Variants in C6orf62 observed in about 807,000 individuals in gnomAD.
C6orf62 encodes the protein uncharacterized protein C6orf62.
C6orf62 carries 16 observed loss-of-function variants against 26.8 expected under a neutral mutation model. The observed-to-expected ratio is 0.60, with a 90% CI of 0.40 to 0.91. C6orf62 has a LOEUF of 0.91. C6orf62 is among the 40% of genes least tolerant of loss of function. C6orf62 has a pLI of 0.00. For synonymous variants in C6orf62, 112 were observed against 91.5 expected (o/e 1.22, Z -1.28); for missense variants, 192 against 271.4 (o/e 0.71, Z 2.06).
chr6:24,709,501 C>A, intron 3 of C6orf62: 1 of 742,194 alleles, frequency 1.3e-6, no homozygotes, highest in Non-Finnish European at 1.6e-6. Context: ...TAAACTTCAG[C>A]TTCCTCATCT....
intron 1 of C6orf62, among the ~76,000 whole-genome samples, chr6:24,718,156 A>G (rs910628278): frequency 6.6e-6 from 1 of 152,230 alleles, no homozygotes; most frequent in Non-Finnish European, 1.5e-5. Context: ...TTTAGCATAT[A>G]AACAGTCTGA....
chr6:24,719,959 G>C, upstream of C6orf62: 1 of 1,548,012 alleles, frequency 6.5e-7, no homozygotes, highest in Non-Finnish European at 8.7e-7. Context: ...TAAATGGGAA[G>C]GTTCAGTGGG....
At chr6:24,720,023 C>G, upstream of C6orf62, 1 of 1,481,814 alleles carries the variant, frequency 6.7e-7, no homozygotes, top group Non-Finnish European at 9.0e-7. Context: ...GCCCACCCAC[C>G]CTCCCCCCAA....
chr6:24,720,515 AAG>A (rs914961931), upstream of C6orf62: 49 of 454,846 alleles, frequency 1.1e-4, no homozygotes, highest in Non-Finnish European at 1.2e-4. Context: ...GAAAAAGAAA[AAG>A]AGGAAAAACA....
Position 24,705,944 on chromosome 6 carries a change from C to T in C6orf62, c.*193G>A, listed in dbSNP as rs1310535266. ...CATCTTCTTTCACACAGTCCGTGCACGACATCTAATTTTTGTTTAAGTTCT... is the reference window on the plus strand; with the variant it reads ...CATCTTCTTTCACACAGTCCGTGCATGACATCTAATTTTTGTTTAAGTTCT... On this transcript the variant is annotated 3_prime_UTR_variant, in exon 5 of 5. Coordinates refer to ENST00000378119, the MANE Select transcript of C6orf62 (RefSeq NM_030939.5). The T allele has an allele frequency of 3.8e-5, 28 of 731,272 alleles. No homozygotes were observed. The highest frequency in any genetic ancestry group is 2.7e-4 in the South Asian group (12 of 44,364). 45.3% of individuals were successfully genotyped at this position (731,272 alleles called of 1,614,324 possible). A position where few individuals can be genotyped will look rare whatever the true frequency, so the allele number is the denominator to read the frequency against.
At chr6:24,718,495 A>G (rs1399552398) in intron 1 of C6orf62, 45 bp downstream of exon 1, 10 of 1,528,752 alleles carry the variant, frequency 6.5e-6, no homozygotes, top group Non-Finnish European at 9.0e-6. Flanking sequence ...ATATACACTT[A>G]CAAAAATTAC....
upstream of C6orf62, chr6:24,719,970 G>T (rs1488888046): frequency 4.0e-5 from 62 of 1,541,716 alleles, no homozygotes; most frequent in Non-Finnish European, 5.1e-5. Context: ...GTTCAGTGGG[G>T]GAAAAAAAGA....
Position 24,711,239 on chromosome 6 carries a change from TACACAC to T in C6orf62, c.430-2334_430-2329del, listed in dbSNP as rs143267331. Among the ~76,000 whole-genome samples, 115 of 138,682 alleles carry T rather than the reference TACACAC, an allele frequency of 8.3e-4. 1 individual carries two copies. The highest frequency in any genetic ancestry group is 1.9e-3 in the African/African-American group (59 of 31,132). The allele number at this position is 138,682 out of a possible 152,430, so 91.0% of individuals were successfully genotyped here. On this transcript the variant is annotated intron_variant, in intron 3 of 4. Transcript: ENST00000378119. ...TATCCACTTATCTGAAAAGAAATGG[TACACAC>T]ACACACACACAAACACACACACACA...
At chr6:24,708,394 G>A (rs938904803) in intron 4 of C6orf62, among the ~76,000 whole-genome samples, 8 of 152,102 alleles carry the variant, frequency 5.3e-5, no homozygotes, top group Admixed American at 2.6e-4. Context: ...TGTCATTCAA[G>A]CTGGAGTGCA....
In C6orf62 at chr6:24,717,381, G is replaced by GT. The variant is rs572977717; in HGVS notation, c.130-1058dup. 7.9e-5 allele frequency among the ~76,000 whole-genome samples: 12 copies of GT among 152,356 alleles called. No homozygotes were observed. In the East Asian group the frequency reaches 2.1e-3, roughly 27 times the overall value. The stretch of plus-strand genomic sequence containing the variant: ...TTGTCAACAAAACAAAAGTGGAGAT[G>GT]TAAGTCCTTGATACCACCCAATCTT... On this transcript the variant is annotated intron_variant, in intron 1 of 4. Coordinates refer to ENST00000378119, the MANE Select transcript of C6orf62 (RefSeq NM_030939.5).
At chr6:24,710,841 T>C (rs779589281) in intron 3 of C6orf62, among the ~76,000 whole-genome samples, 6 of 151,650 alleles carry the variant, frequency 4.0e-5, no homozygotes, top group Non-Finnish European at 5.9e-5. Flanking sequence ...TCTACAAAAA[T>C]AATTAGTTGG....
At chr6:24,707,871 C>T (rs150302031) in intron 4 of C6orf62, among the ~76,000 whole-genome samples, 6,685 of 151,532 alleles carry the variant, frequency 0.044, 409 homozygotes, top group African/African-American at 0.14. Flanking sequence ...ATTAGCTGGG[C>T]GTGGTGGCGG....
At chr6:24,720,473 G>A (rs1004882817), upstream of C6orf62, 50 of 884,340 alleles carry the variant, frequency 5.7e-5, no homozygotes, top group East Asian at 3.7e-4. Flanking sequence ...GCAACGGAGG[G>A]GAAGGACGCG....
In C6orf62 at chr6:24,718,704, T is replaced by G. The variant is rs1162160527; in HGVS notation, c.-36A>C. ...AGGTGGTACTAAAGCCTTTGGAAAT[T>G]GTCACTAAACTATGGGCACTTTTTC... On this transcript the variant is annotated 5_prime_UTR_variant, in exon 1 of 5. Coordinates refer to ENST00000378119, the MANE Select transcript of C6orf62 (RefSeq NM_030939.5). 6.2e-7 allele frequency: 1 copy of G among 1,608,804 alleles called. No homozygotes were observed. The highest frequency in any genetic ancestry group is 1.7e-5 in the Admixed American group (1 of 58,532).
chr6:24,720,654 GTCTT>G (rs1779340261), upstream of C6orf62: 3 of 152,942 alleles, frequency 2.0e-5, no homozygotes, highest in African/African-American at 7.2e-5. Flanking sequence ...CTGCTCTTGA[GTCTT>G]TCTTCCCCCT....
At chr6:24,720,009 G>A, upstream of C6orf62, 11 of 1,517,740 alleles carry the variant, frequency 7.2e-6, no homozygotes, top group Admixed American at 4.2e-5. Flanking sequence ...TACTTCTAAA[G>A]TAAGCCCACC....
chr6:24,720,172 C>T (rs1779326743), upstream of C6orf62: 1 of 1,350,494 alleles, frequency 7.4e-7, no homozygotes, highest in African/African-American at 1.5e-5. Flanking sequence ...GGGTGGGTGA[C>T]GGGGAAATCC....
chr6:24,717,635 AAAT>A (rs1175959122), intron 1 of C6orf62, among the ~76,000 whole-genome samples: 3 of 152,198 alleles, frequency 2.0e-5, no homozygotes, highest in African/African-American at 7.2e-5. Flanking sequence ...TCAGCAACAA[AAAT>A]AATAAGAGTT....
intron 3 of C6orf62, 75 bp from the exon 4 acceptor site, chr6:24,708,986 T>C (rs1779069351): frequency 1.3e-6 from 2 of 1,582,722 alleles, no homozygotes; most frequent in South Asian, 2.3e-5. Flanking sequence ...ATGCTAGCTG[T>C]GCTGTCCAAT....
Sources: gnomAD v4.1 joint callset for allele counts (sites outside exome capture counted in the v4.1 genomes callset) on GRCh38, gnomAD v4.1.1 for gene constraint, MANE v1.5 for transcripts, NCBI Gene and HGNC (gene_info 2026-07-23, HGNC 2026-07-21) for gene names.